Variants in KIFAP3 observed in about 807,000 individuals in gnomAD.
The protein encoded by KIFAP3 is kinesin-associated protein 3.
A neutral mutation model predicts 106.5 loss-of-function variants in KIFAP3; 68 were observed. That is an observed-to-expected ratio of 0.64 (90% CI 0.53 to 0.78). The LOEUF is 0.78. Among genes scored for constraint, KIFAP3 ranks in the 30% least tolerant of loss-of-function variants. KIFAP3 has a pLI of 0.00. For synonymous variants in KIFAP3, 320 were observed against 311.5 expected, an observed-to-expected ratio of 1.03 and a Z score of -0.29; for missense variants, 780 against 941.8, an observed-to-expected ratio of 0.83 and a Z score of 2.25.
At chr1:170,029,150 T>G (rs1291199820) in intron 8 of KIFAP3, among the ~76,000 whole-genome samples, 1 of 152,132 alleles carries the variant, frequency 6.6e-6, no homozygotes, top group Non-Finnish European at 1.5e-5. Context: ...TGAAGAACAC[T>G]TCATACTGAT....
intron 1 of KIFAP3, among the ~76,000 whole-genome samples, chr1:170,055,637 T>TA (rs1222440166): frequency 6.6e-6 from 1 of 152,156 alleles, no homozygotes; most frequent in African/African-American, 2.4e-5. Context: ...TATACACATA[T>TA]AAATGTATAC....
At chr1:170,006,057 C>G (rs1449270070) in intron 10 of KIFAP3, among the ~76,000 whole-genome samples, 2 of 152,046 alleles carry the variant, frequency 1.3e-5, no homozygotes, top group Non-Finnish European at 2.9e-5. Flanking sequence ...TATGTTTATT[C>G]TCTCATCTGA....
At chr1:170,057,718 T>C (rs1050342117) in intron 1 of KIFAP3, among the ~76,000 whole-genome samples, 2 of 151,988 alleles carry the variant, frequency 1.3e-5, no homozygotes, top group Admixed American at 6.6e-5. Context: ...ATTTAACTAC[T>C]GGGAGGATTA....
chr1:170,081,198 C>CA (rs1194342940), intron 1 of KIFAP3, among the ~76,000 whole-genome samples: 1 of 151,828 alleles, frequency 6.6e-6, no homozygotes, highest in Non-Finnish European at 1.5e-5. Flanking sequence ...TACAAGTCAA[C>CA]AAAAAATCTA....
chr1:169,999,642 G>A (rs915330551), intron 10 of KIFAP3, among the ~76,000 whole-genome samples: 14 of 152,152 alleles, frequency 9.2e-5, no homozygotes, highest in Non-Finnish European at 1.8e-4. Flanking sequence ...TGAACTCACT[G>A]GCTATTAAAC....
intron 19 of KIFAP3, among the ~76,000 whole-genome samples, chr1:169,936,684 G>A (rs934824750): frequency 6.6e-6 from 1 of 151,438 alleles, no homozygotes; most frequent in South Asian, 2.1e-4. Flanking sequence ...GATACTAAAG[G>A]TCTGTGTTTT....
At chr1:169,930,751 T>G (rs1229513481) in intron 19 of KIFAP3, among the ~76,000 whole-genome samples, 1 of 152,228 alleles carries the variant, frequency 6.6e-6, no homozygotes, top group East Asian at 1.9e-4. Context: ...GGTTGGTGTT[T>G]TTTTGTCATT....
chr1:169,960,751 A>G (rs191706564), intron 18 of KIFAP3, among the ~76,000 whole-genome samples: 154 of 152,268 alleles, frequency 1.0e-3, no homozygotes, highest in African/African-American at 3.6e-3. Context: ...CGGAAGTCAG[A>G]AATCTTGAAG....
At chr1:169,994,425 T>C (rs999728822) in intron 10 of KIFAP3, among the ~76,000 whole-genome samples, 1 of 152,216 alleles carries the variant, frequency 6.6e-6, no homozygotes, top group Admixed American at 6.5e-5. Context: ...AACACTGATA[T>C]ATGAGGGAAT....
Position 169,926,144 on chromosome 1 carries a change from C to A in KIFAP3, c.2274-4363G>T, listed in dbSNP as rs1030152364. On this transcript the variant is annotated intron_variant, in intron 19 of 19. Transcript: ENST00000361580. ...CTGAACACCTCCAGAAGGAAGTGCT[C>A]ACTACTTTGTCAAGGCAGTTCATTC... 2.6e-5 allele frequency among the ~76,000 whole-genome samples: 4 copies of A among 152,164 alleles called. No homozygotes were observed. In the South Asian group the frequency reaches 6.2e-4, roughly 24 times the overall value.
At chr1:169,947,792 A>G (rs1221294481) in intron 19 of KIFAP3, among the ~76,000 whole-genome samples, 1 of 151,822 alleles carries the variant, frequency 6.6e-6, no homozygotes, top group Non-Finnish European at 1.5e-5. Context: ...ATTTTTATAA[A>G]AAACATTTTT....
chr1:170,038,282 G>C lies in KIFAP3; in HGVS notation c.517+8C>G. The C allele has an allele frequency of 1.3e-6, 2 of 1,576,624 alleles. No individual in the cohort carries two copies. Among genetic ancestry groups the C allele is most frequent in the Admixed American group, 2.1e-5 (1 of 48,434 alleles). ...CTATTATAATTAAACATGTTTTATA[G>C]TAATCACCATTCAATAGTAGTTCTT... On this transcript the variant is annotated splice_region_variant and intron_variant, in intron 5 of 19. Coordinates refer to ENST00000361580, the MANE Select transcript of KIFAP3 (RefSeq NM_014970.4).
chr1:170,038,909 C>T (rs1007116230), intron 4 of KIFAP3, among the ~76,000 whole-genome samples: 2 of 152,006 alleles, frequency 1.3e-5, no homozygotes, highest in Non-Finnish European at 2.9e-5. Context: ...ATGGTGAAAC[C>T]CCATCACTAC....
At chr1:169,977,946 T>C (rs1442740050) in intron 16 of KIFAP3, 139 bp downstream of exon 16, 2 of 647,530 alleles carry the variant, frequency 3.1e-6, no homozygotes, top group South Asian at 3.6e-5. Flanking sequence ...CCATGGAAAA[T>C]AGGTTATCTT....
chr1:170,061,711 C>G (rs1471142780), intron 1 of KIFAP3, among the ~76,000 whole-genome samples: 1 of 152,168 alleles, frequency 6.6e-6, no homozygotes, highest in Non-Finnish European at 1.5e-5. Context: ...GACACACACA[C>G]ACATATATTT....
At position 170,074,695 on chromosome 1, in the gene KIFAP3, T is replaced by A; in HGVS notation, c.-228A>T. 7.1e-7 allele frequency: 1 copy of A among 1,408,252 alleles called. No homozygotes were observed. Among genetic ancestry groups the A allele is most frequent in the Non-Finnish European group, 9.3e-7 (1 of 1,080,208 alleles). 87.2% of individuals were successfully genotyped at this position (1,408,252 alleles called of 1,614,324 possible). ...CGGCCCAGACCCGCCCAGAGTCGCC[T>A]AAGCCGGGCCGTCACGACGCATGCG... On this transcript the variant is annotated 5_prime_UTR_variant, in exon 1 of 20. Transcript: ENST00000361580.
chr1:170,021,434 GTTTTT>G (rs746455008), intron 9 of KIFAP3, among the ~76,000 whole-genome samples: 1 of 113,788 alleles, frequency 8.8e-6, no homozygotes, highest in African/African-American at 3.4e-5. Context: ...TTGTTATTAA[GTTTTT>G]TTTTTTTTTT....
At chr1:170,072,829 C>G (rs1671766134) in intron 1 of KIFAP3, among the ~76,000 whole-genome samples, 1 of 152,050 alleles carries the variant, frequency 6.6e-6, no homozygotes, top group Non-Finnish European at 1.5e-5. Flanking sequence ...TGAAAACAGA[C>G]AATTCAAACT....
Position 169,921,590 on chromosome 1 carries a change from A to G in KIFAP3, c.*86T>C. On this transcript the variant is annotated 3_prime_UTR_variant, in exon 20 of 20. Transcript: ENST00000361580. ...AACACAGACCCACAATAACATCAAC[A>G]TGCATTATTAGGCAAAGATCCAAAA... 1.0e-6 allele frequency: 1 copy of G among 953,028 alleles called. No individual in the cohort carries two copies. The highest frequency in any genetic ancestry group is 1.4e-5 in the South Asian group (1 of 71,128). 59.0% of individuals were successfully genotyped at this position (953,028 alleles called of 1,614,324 possible).
Sources: gnomAD v4.1 joint callset for allele counts (sites outside exome capture counted in the v4.1 genomes callset) on GRCh38, gnomAD v4.1.1 for gene constraint, MANE v1.5 for transcripts, NCBI Gene and HGNC (gene_info 2026-07-23, HGNC 2026-07-21) for gene names.